PTPRN2: variants seen among roughly 807,000 people sequenced by gnomAD.
PTPRN2 encodes the protein protein tyrosine phosphatase receptor type N2.
A neutral mutation model predicts 118.8 loss-of-function variants in PTPRN2; 74 were observed. The observed-to-expected ratio is 0.62, with a 90% CI of 0.52 to 0.76. PTPRN2 has a LOEUF of 0.76. PTPRN2 is among the 30% of genes least tolerant of loss of function. The pLI, the probability that PTPRN2 is intolerant of heterozygous loss-of-function variation, is 0.00. For missense variants in PTPRN2, 1,481 were observed against 1,394.4 expected (o/e 1.06, Z -0.99); for synonymous variants, 641 against 608.0 (o/e 1.05, Z -0.80).
chr7:158,285,139 G>T (rs881468), intron 3 of PTPRN2, among the ~76,000 whole-genome samples: 1 of 152,082 alleles, frequency 6.6e-6, no homozygotes. Flanking sequence ...TATTTCTGAC[G>T]TGCCCAGGCT....
chr7:158,289,031 G>C (rs1799939883), intron 3 of PTPRN2, among the ~76,000 whole-genome samples: 1 of 152,108 alleles, frequency 6.6e-6, no homozygotes. Flanking sequence ...CTGCTGAGAA[G>C]TCTGCTATAA....
At chr7:157,998,025 T>TGGGGGGAGAGGAGGGCAGGGG (rs1804904218) in intron 11 of PTPRN2, among the ~76,000 whole-genome samples, 1 of 30,252 alleles carries the variant, frequency 3.3e-5, no homozygotes, top group Non-Finnish European at 5.7e-5. Context: ...GAGTGCAGGG[T>TGGGGGGAGAGGAGGGCAGGGG]GGGGGGAGAG....
chr7:157,993,357 G>A (rs1022079865), intron 11 of PTPRN2, among the ~76,000 whole-genome samples: 3 of 151,520 alleles, frequency 2.0e-5, no homozygotes, highest in African/African-American at 7.3e-5. Flanking sequence ...AAGCAGCCCT[G>A]AGCCTCCGCA....
chr7:158,081,242 G>A (rs912564215), intron 11 of PTPRN2, 56 bp downstream of exon 11: 62 of 1,446,058 alleles, frequency 4.3e-5, no homozygotes, highest in African/African-American at 1.4e-4. Flanking sequence ...GTTTGCGTGC[G>A]TGTGTGTGTG....
chr7:158,394,128 C>T (rs1812149478), intron 2 of PTPRN2, among the ~76,000 whole-genome samples: 1 of 149,872 alleles, frequency 6.7e-6, no homozygotes, highest in African/African-American at 2.5e-5. Context: ...CCCCTCTGTC[C>T]CCCACGGACA....
At chr7:158,207,433 G>T (rs918043823) in intron 3 of PTPRN2, among the ~76,000 whole-genome samples, 2 of 152,138 alleles carry the variant, frequency 1.3e-5, no homozygotes, top group Admixed American at 6.6e-5. Flanking sequence ...GGCAACAAAA[G>T]ACAAAATTGA....
rs933531611 is a variant in PTPRN2, at chr7:157,568,624, C to T, written c.2902+278G>A. On this transcript the variant is annotated intron_variant, in intron 21 of 22. Transcript: ENST00000389418. ...ACCTGTCAAGGACCCACTGTGTGCT[C>T]GGCACACCAAGGCAGGTAACAAAGG... Among the ~76,000 whole-genome samples the T allele has an allele frequency of 3.3e-5, 5 of 152,274 alleles. No homozygotes were observed. In the East Asian group the frequency reaches 7.7e-4, roughly 23 times the overall value.
chr7:158,280,392 G>A (rs1344924267), intron 3 of PTPRN2, among the ~76,000 whole-genome samples: 5 of 152,198 alleles, frequency 3.3e-5, no homozygotes, highest in Non-Finnish European at 7.3e-5. Context: ...GACACCGGCA[G>A]GGAGGGACAG....
At chr7:157,553,423 C>A (rs1286798263) in intron 21 of PTPRN2, among the ~76,000 whole-genome samples, 2 of 152,302 alleles carry the variant, frequency 1.3e-5, no homozygotes, top group African/African-American at 4.8e-5. Flanking sequence ...TCTCCCTCCG[C>A]GTGCACTGAT....
intron 2 of PTPRN2, among the ~76,000 whole-genome samples, chr7:158,412,179 A>C (rs1170354712): frequency 2.8e-5 from 3 of 106,106 alleles, no homozygotes; most frequent in African/African-American, 1.2e-4. Context: ...CCTCAACACC[A>C]GGGCCCATCT....
At chr7:158,467,866 G>T (rs1330325084) in intron 2 of PTPRN2, among the ~76,000 whole-genome samples, 6 of 152,140 alleles carry the variant, frequency 3.9e-5, no homozygotes, top group Admixed American at 3.3e-4. Context: ...CCCGGGGAAG[G>T]CCCTGTTGAT....
chr7:158,433,094 G>A (rs1484121031), intron 2 of PTPRN2, among the ~76,000 whole-genome samples: 1 of 152,246 alleles, frequency 6.6e-6, no homozygotes. Context: ...CCATTTGTGA[G>A]AGTCACCTGT....
intron 12 of PTPRN2, among the ~76,000 whole-genome samples, chr7:157,770,860 G>A (rs1194043445): frequency 6.6e-6 from 1 of 152,146 alleles, no homozygotes; most frequent in East Asian, 1.9e-4. Flanking sequence ...CCTGAGTGTG[G>A]GGGCTGTGGG....
At chr7:158,032,239 C>G (rs548137285) in intron 11 of PTPRN2, among the ~76,000 whole-genome samples, 46 of 152,308 alleles carry the variant, frequency 3.0e-4, no homozygotes, top group Non-Finnish European at 6.2e-4. Context: ...CAGCAAGATG[C>G]CCTCTGTGGG....
intron 10 of PTPRN2, among the ~76,000 whole-genome samples, chr7:158,087,940 G>T (rs1478924539): frequency 7.5e-5 from 8 of 106,262 alleles, no homozygotes; most frequent in African/African-American, 2.3e-4. Context: ...TGATGAAAGA[G>T]GGAGTCTTCA....
At chr7:157,762,600 G>T (rs1466672193) in intron 12 of PTPRN2, among the ~76,000 whole-genome samples, 1 of 122,900 alleles carries the variant, frequency 8.1e-6, no homozygotes, top group African/African-American at 3.1e-5. Context: ...GTTGTGGGGT[G>T]GGGGGAGGGG....
intron 2 of PTPRN2, among the ~76,000 whole-genome samples, chr7:158,366,684 T>A (rs1368530341): frequency 6.6e-6 from 1 of 151,988 alleles, no homozygotes; most frequent in Non-Finnish European, 1.5e-5. Context: ...TCTGCCACAT[T>A]TGCTGGGACT....
In PTPRN2 at chr7:158,327,105, GCA is replaced by G. The variant is rs1000108244; in HGVS notation, c.164-10175_164-10174del. The stretch of plus-strand genomic sequence containing the variant: ...CTCACATGCACTCATTCTCACCCAT[GCA>G]CATTCTCACACAAGCACACACATAC... On this transcript the variant is annotated intron_variant, in intron 2 of 22. Transcript: ENST00000389418. Among the ~76,000 whole-genome samples, 71 of 139,750 alleles carry G rather than the reference GCA, an allele frequency of 5.1e-4. 2 individuals are homozygous for G. Among genetic ancestry groups the G allele is most frequent in the Admixed American group, 1.3e-3 (18 of 13,874 alleles). The allele number at this position is 139,750 out of a possible 152,430, so 91.7% of individuals were successfully genotyped here.
intron 12 of PTPRN2, among the ~76,000 whole-genome samples, chr7:157,720,836 G>GC (rs1160292154): frequency 8.5e-5 from 13 of 152,344 alleles, no homozygotes; most frequent in Middle Eastern, 3.4e-3. Flanking sequence ...GGACAGCGGA[G>GC]CCCTGGGCAG....
Sources: gnomAD v4.1 joint callset for allele counts (sites outside exome capture counted in the v4.1 genomes callset) on GRCh38, gnomAD v4.1.1 for gene constraint, MANE v1.5 for transcripts, NCBI Gene and HGNC (gene_info 2026-07-23, HGNC 2026-07-21) for gene names.